The following UGT1A7 variants were observed in gnomAD, a reference collection of about 807,000 sequenced individuals.
The protein encoded by UGT1A7 is UDP-glucuronosyltransferase 1A7.
UGT1A7 carries 33 observed loss-of-function variants against 45.6 expected under a neutral mutation model. The ratio of observed to expected loss-of-function variants is 0.72; its 90% CI spans 0.55 to 0.97. The LOEUF is 0.97. Ranked by LOEUF, UGT1A7 falls within the 50% of genes least tolerant of loss-of-function variation. The pLI, the probability that UGT1A7 is intolerant of heterozygous loss-of-function variation, is 0.00. For missense variants in UGT1A7, 684 were observed against 666.2 expected (o/e 1.03, Z -0.29); for synonymous variants, 274 against 250.6 (o/e 1.09, Z -0.88).
intron 1 of UGT1A7, among the ~76,000 whole-genome samples, chr2:233,705,428 A>C (rs2075847484): frequency 6.6e-6 from 1 of 152,220 alleles, no homozygotes; most frequent in Non-Finnish European, 1.5e-5. Flanking sequence ...GTGGCTCATA[A>C]CTTATCCTTC....
At chr2:233,737,721 C>CA (rs1559381748) in intron 1 of UGT1A7, among the ~76,000 whole-genome samples, 2 of 151,324 alleles carry the variant, frequency 1.3e-5, no homozygotes, top group Non-Finnish European at 3.0e-5. Flanking sequence ...CCAACACCTC[C>CA]TTTTTTTTTC....
intron 1 of UGT1A7, among the ~76,000 whole-genome samples, chr2:233,710,654 A>G (rs1019279657): frequency 1.3e-5 from 2 of 152,188 alleles, no homozygotes; most frequent in African/African-American, 4.8e-5. Flanking sequence ...TCTGGATACA[A>G]GTGCTATGTC....
chr2:233,759,589 C>A (rs1019080455), intron 1 of UGT1A7, among the ~76,000 whole-genome samples: 1 of 147,434 alleles, frequency 6.8e-6, no homozygotes, highest in African/African-American at 2.5e-5. Context: ...CAGCACGCCC[C>A]CCACCCCCGA....
At chr2:233,704,907 G>T (rs1235978243) in intron 1 of UGT1A7, among the ~76,000 whole-genome samples, 1 of 152,152 alleles carries the variant, frequency 6.6e-6, no homozygotes, top group Admixed American at 6.5e-5. Context: ...GCTGAGGCAG[G>T]TGGATCACCT....
At chr2:233,712,976 G>A (rs750445799) in intron 1 of UGT1A7, 18 of 1,612,962 alleles carry the variant, frequency 1.1e-5, no homozygotes, top group African/African-American at 6.7e-5. Flanking sequence ...GTCAGCTGTC[G>A]GTGGCTTCTG....
At chr2:233,731,806 G>A (rs142975775) in intron 1 of UGT1A7, among the ~76,000 whole-genome samples, 5,114 of 152,192 alleles carry the variant, frequency 0.034, 99 homozygotes, top group African/African-American at 0.051. Context: ...ACCCAGTAAT[G>A]GTATGGCTGT....
rs200190624 is a variant in UGT1A7 at position 233,682,051 on chromosome 2, G to T, written c.114G>T (p.Trp38Cys). ...LLVVPMDGSH[W>C]FTMQSVVEKL... ...TAGTGCCCATGGATGGGAGCCACTG[G>T]TTCACCATGCAGTCGGTGGTGGAGA... The change falls in exon 1 of 5, where the codon TGG (tryptophan) becomes TGT (cysteine). Residue 38 changes from tryptophan (W) to cysteine (C), a missense_variant. By Grantham distance (215) the Trp-to-Cys change is radical. Transcript: ENST00000373426. The T allele has an allele frequency of 6.2e-7, 1 of 1,614,102 alleles. No homozygotes were observed.
chr2:233,692,797 C>T (rs925616937), intron 1 of UGT1A7: 53 of 1,378,306 alleles, frequency 3.8e-5, no homozygotes, highest in Middle Eastern at 2.7e-4. Flanking sequence ...AAAGCTGACA[C>T]GGCCATAGTT....
intron 1 of UGT1A7, among the ~76,000 whole-genome samples, chr2:233,763,573 CTCTT>C (rs1698348195): frequency 1.3e-5 from 2 of 152,188 alleles, no homozygotes; most frequent in African/African-American, 4.8e-5. Flanking sequence ...TTCTTATTTT[CTCTT>C]TCTTCCTTTG....
intron 1 of UGT1A7, chr2:233,747,959 C>T: frequency 6.2e-7 from 1 of 1,613,522 alleles, no homozygotes; most frequent in Non-Finnish European, 8.5e-7. Context: ...TGGATCTTCT[C>T]AGCCATGCAT....
rs900393425 is a variant in UGT1A7 at position 233,715,048 on chromosome 2, C to CT, written c.855+32265dup. 1.6e-3 allele frequency among the ~76,000 whole-genome samples: 238 copies of CT among 151,030 alleles called. 1 individual carries two copies. The highest frequency in any genetic ancestry group is 5.1e-3 in the African/African-American group (208 of 41,174). On this transcript the variant is annotated intron_variant, in intron 1 of 4. Coordinates refer to ENST00000373426, the MANE Select transcript of UGT1A7 (RefSeq NM_019077.3). ...CATGGCACCACATCCAGCTAATTTT[C>CT]TTTTTTTTTGTATTTTTTATGGAGA...
At chr2:233,701,810 C>T (rs1265749289) in intron 1 of UGT1A7, among the ~76,000 whole-genome samples, 1 of 152,034 alleles carries the variant, frequency 6.6e-6, no homozygotes, top group African/African-American at 2.4e-5. Flanking sequence ...AACAAAGACA[C>T]AACATACCAG....
At chr2:233,720,401 G>T (rs2076855672) in intron 1 of UGT1A7, among the ~76,000 whole-genome samples, 1 of 152,026 alleles carries the variant, frequency 6.6e-6, no homozygotes, top group African/African-American at 2.4e-5. Flanking sequence ...ATCAAGAGTG[G>T]GTGGAAGGGA....
intron 1 of UGT1A7, among the ~76,000 whole-genome samples, chr2:233,766,276 C>T (rs1021162182): frequency 2.0e-5 from 3 of 151,848 alleles, no homozygotes; most frequent in Non-Finnish European, 2.9e-5. Flanking sequence ...GGCTCGGTGG[C>T]CCGGGCTCGG....
At chr2:233,710,359 A>T (rs1246560621) in intron 1 of UGT1A7, among the ~76,000 whole-genome samples, 1 of 152,246 alleles carries the variant, frequency 6.6e-6, no homozygotes, top group African/African-American at 2.4e-5. Context: ...CAAAGCAGTT[A>T]TACAATTTTA....
intron 1 of UGT1A7, among the ~76,000 whole-genome samples, chr2:233,724,137 G>A (rs1240134584): frequency 1.9e-4 from 22 of 114,476 alleles, no homozygotes; most frequent in Non-Finnish European, 2.5e-4. Context: ...CCTCCCGGAC[G>A]GGGCGGCTGG....
rs28900404 is a variant in UGT1A7, at chr2:233,769,354, G to A, written c.1295+915G>A. ...TTATTAGAACCTTATGGGAAGAAGT[G>A]GTGGCCAGTGGTAGATTTCATCCGA... On this transcript the variant is annotated intron_variant, in intron 4 of 4. Transcript: ENST00000373426. This position sits in a 1 kb window ranked among gnomAD's most constrained non-coding sequence, Gnocchi z 4.4. Among the ~76,000 whole-genome samples the A allele has an allele frequency of 7.2e-4, 110 of 152,348 alleles. No individual in the cohort carries two copies. The highest frequency in any genetic ancestry group is 2.6e-3 in the African/African-American group (108 of 41,580).
intron 1 of UGT1A7, chr2:233,692,742 A>T: frequency 9.6e-7 from 1 of 1,038,220 alleles, no homozygotes. Flanking sequence ...AGAGAGGGAG[A>T]AGCAGACTTG....
At chr2:233,767,292 T>C in intron 2 of UGT1A7, 127 bp downstream of exon 2, 1 of 1,553,044 alleles carries the variant, frequency 6.4e-7, no homozygotes, top group South Asian at 1.2e-5. Context: ...ACTTCCCAAC[T>C]ATTAATCCAA....
Sources: gnomAD v4.1 joint callset for allele counts (sites outside exome capture counted in the v4.1 genomes callset) on GRCh38, gnomAD v4.1.1 for gene constraint, Gnocchi (gnomAD v3.1) non-coding constraint, MANE v1.5 for transcripts, NCBI Gene and HGNC (gene_info 2026-07-23, HGNC 2026-07-21) for gene names.